Variants in XKR4 observed in about 807,000 individuals in gnomAD.
XKR4 encodes XK related 4, also known as XK-related protein 4.
XKR4 carries 12 observed loss-of-function variants against 53.9 expected under a neutral mutation model. The observed-to-expected ratio is 0.22, with a 90% CI of 0.14 to 0.36. XKR4 has a LOEUF of 0.36. Among genes scored for constraint, XKR4 ranks in the 10% least tolerant of loss-of-function variants. The pLI is 1.00. For missense variants in XKR4, 799 were observed against 859.5 expected, an observed-to-expected ratio of 0.93 and a Z score of 0.88; for synonymous variants, 354 against 362.4, an observed-to-expected ratio of 0.98 and a Z score of 0.26.
At position 55,525,737 on chromosome 8, in the gene XKR4, T is replaced by C. The variant is rs556535884; in HGVS notation, c.*1510T>C. ...ATGGATTATTTCAATATTTTTGTAA[T>C]AAAAAATATAGGGTATACACATAGG... On this transcript the variant is annotated 3_prime_UTR_variant, in exon 3 of 3. Coordinates refer to ENST00000327381, the MANE Select transcript of XKR4 (RefSeq NM_052898.2). The C allele has an allele frequency of 6.5e-6, 1 of 152,770 alleles. No homozygotes were observed. The highest frequency in any genetic ancestry group is 2.4e-5 in the African/African-American group (1 of 41,588). 9.5% of individuals were successfully genotyped at this position (152,770 alleles called of 1,614,324 possible). A position where few individuals can be genotyped will look rare whatever the true frequency, so the allele number is the denominator to read the frequency against.
chr8:55,443,697 C>T (rs768999151), intron 2 of XKR4, among the ~76,000 whole-genome samples: 2 of 151,208 alleles, frequency 1.3e-5, no homozygotes, highest in East Asian at 1.9e-4. Context: ...AAAAAAGAGC[C>T]GGGCATGGTG....
chr8:55,396,715 C>T (rs1476640577), intron 2 of XKR4, among the ~76,000 whole-genome samples: 2 of 152,142 alleles, frequency 1.3e-5, no homozygotes, highest in Non-Finnish European at 1.5e-5. Context: ...AGAATGGATT[C>T]TGAATGCAAA....
chr8:55,219,077 G>A (rs543783165), intron 1 of XKR4, among the ~76,000 whole-genome samples: 3 of 149,744 alleles, frequency 2.0e-5, no homozygotes, highest in Non-Finnish European at 4.4e-5. Context: ...CTGAAAAAAA[G>A]GATAGTCATG....
At chr8:55,318,035 C>T (rs2129379068) in intron 1 of XKR4, among the ~76,000 whole-genome samples, 1 of 152,246 alleles carries the variant, frequency 6.6e-6, no homozygotes, top group Middle Eastern at 3.4e-3. Context: ...TTATTAGAAC[C>T]AATGTTCAAG....
At chr8:55,512,124 G>A (rs1050453945) in intron 2 of XKR4, among the ~76,000 whole-genome samples, 1 of 152,126 alleles carries the variant, frequency 6.6e-6, no homozygotes, top group African/African-American at 2.4e-5. Flanking sequence ...CCAGAGGCAC[G>A]CAGCTCCAGA....
chr8:55,509,025 C>A (rs1210020666), intron 2 of XKR4, among the ~76,000 whole-genome samples: 2 of 152,158 alleles, frequency 1.3e-5, no homozygotes, highest in Non-Finnish European at 2.9e-5. Flanking sequence ...TCAATGTATA[C>A]TATTTAATTC....
intron 1 of XKR4, among the ~76,000 whole-genome samples, chr8:55,289,809 GGAAA>G (rs1288979025): frequency 2.3e-4 from 29 of 126,668 alleles, no homozygotes; most frequent in African/African-American, 4.4e-4. Flanking sequence ...GAGAAAGAAA[GGAAA>G]GAAAGAAAGG....
intron 2 of XKR4, among the ~76,000 whole-genome samples, chr8:55,366,428 G>A (rs968746032): frequency 2.0e-5 from 3 of 152,204 alleles, no homozygotes; most frequent in Admixed American, 6.5e-5. Context: ...GATCATGGAG[G>A]TTGTGTCATG....
intron 1 of XKR4, among the ~76,000 whole-genome samples, chr8:55,103,851 GTATATATATATA>G (rs60831330): frequency 0.025 from 2,642 of 105,982 alleles, 64 homozygotes; most frequent in African/African-American, 0.052. Flanking sequence ...AAATGACTTT[GTATATATATATA>G]TATATATATA....
intron 2 of XKR4, among the ~76,000 whole-genome samples, chr8:55,521,546 T>A (rs1371963068): frequency 6.6e-6 from 1 of 152,170 alleles, no homozygotes; most frequent in South Asian, 2.1e-4. Context: ...CAATTAAAGA[T>A]TTTTGTGCTA....
chr8:55,183,416 T>G (rs1325469188), intron 1 of XKR4, among the ~76,000 whole-genome samples: 1 of 151,982 alleles, frequency 6.6e-6, no homozygotes, highest in Non-Finnish European at 1.5e-5. Flanking sequence ...CCATAAATTT[T>G]TATGATGTAT....
intron 1 of XKR4, among the ~76,000 whole-genome samples, chr8:55,248,314 A>G (rs1818317467): frequency 6.6e-6 from 1 of 152,156 alleles, no homozygotes; most frequent in African/African-American, 2.4e-5. Flanking sequence ...TAAATAGCTG[A>G]TTCATCCCCA....
At chr8:55,134,022 AT>A (rs537695211) in intron 1 of XKR4, among the ~76,000 whole-genome samples, 7 of 152,130 alleles carry the variant, frequency 4.6e-5, no homozygotes, top group African/African-American at 1.2e-4. Context: ...CTCCAGACAG[AT>A]TTTTTTTCCT....
At chr8:55,300,121 A>G (rs1301863547) in intron 1 of XKR4, among the ~76,000 whole-genome samples, 1 of 152,188 alleles carries the variant, frequency 6.6e-6, no homozygotes, top group Non-Finnish European at 1.5e-5. Flanking sequence ...ATTATTGTTC[A>G]GGCATGTGAA....
rs536761672 is a variant in XKR4 at position 55,448,753 on chromosome 8, T to G, written c.1007-74528T>G. Among the ~76,000 whole-genome samples the G allele has an allele frequency of 3.9e-5, 6 of 152,360 alleles. No homozygotes were observed. The East Asian group carries it at 9.6e-4, about 24-fold the overall frequency. The stretch of plus-strand genomic sequence containing the variant: ...AGTAGTCAACCTGGTAGGCTGAAGC[T>G]TTGCTTCATAGAACAGGGATGAAGC... On this transcript the variant is annotated intron_variant, in intron 2 of 2. Transcript: ENST00000327381.
chr8:55,216,302 G>A (rs533478521), intron 1 of XKR4, among the ~76,000 whole-genome samples: 2 of 152,340 alleles, frequency 1.3e-5, no homozygotes, highest in Admixed American at 6.5e-5. Context: ...AAACTCTCCT[G>A]GAGAAGCAAA....
intron 1 of XKR4, among the ~76,000 whole-genome samples, chr8:55,231,662 G>A (rs1384978035): frequency 6.6e-6 from 1 of 152,098 alleles, no homozygotes; most frequent in Non-Finnish European, 1.5e-5. Flanking sequence ...GGCTTGGGAT[G>A]TTTAATCTTG....
intron 2 of XKR4, among the ~76,000 whole-genome samples, chr8:55,491,001 T>C (rs367725196): frequency 6.6e-6 from 1 of 152,138 alleles, no homozygotes; most frequent in African/African-American, 2.4e-5. Context: ...CATAGCTTAC[T>C]GAGGCTCAGA....
At chr8:55,302,963 C>A (rs988764553) in intron 1 of XKR4, among the ~76,000 whole-genome samples, 3 of 152,170 alleles carry the variant, frequency 2.0e-5, no homozygotes, top group Non-Finnish European at 4.4e-5. Context: ...TTGACTTCCT[C>A]TTTTCCTAAT....
Sources: gnomAD v4.1 joint callset for allele counts (sites outside exome capture counted in the v4.1 genomes callset) on GRCh38, gnomAD v4.1.1 for gene constraint, MANE v1.5 for transcripts, NCBI Gene and HGNC (gene_info 2026-07-23, HGNC 2026-07-21) for gene names.